CEP85L: variants seen among roughly 807,000 people sequenced by gnomAD.
The protein encoded by CEP85L is centrosomal protein 85L.
A neutral mutation model predicts 100.3 loss-of-function variants in CEP85L; 60 were observed. That is an observed-to-expected ratio of 0.60 (90% CI 0.49 to 0.74). CEP85L has a LOEUF of 0.74. CEP85L is among the 30% of genes least tolerant of loss of function. The pLI is 0.00. For synonymous variants in CEP85L, 319 were observed against 322.7 expected, an observed-to-expected ratio of 0.99 and a Z score of 0.12; for missense variants, 973 against 936.2, an observed-to-expected ratio of 1.04 and a Z score of -0.51.
intron 1 of CEP85L, among the ~76,000 whole-genome samples, chr6:118,679,667 G>A (rs1205342209): frequency 6.6e-6 from 1 of 152,130 alleles, no homozygotes; most frequent in East Asian, 1.9e-4. Flanking sequence ...TAAATGTTCG[G>A]TGGGCCTATA....
chr6:118,680,461 T>G (rs1258918475), intron 1 of CEP85L, among the ~76,000 whole-genome samples: 1 of 152,050 alleles, frequency 6.6e-6, no homozygotes, highest in Non-Finnish European at 1.5e-5. Context: ...AGTTTATGCA[T>G]CAGATATTAG....
intron 1 of CEP85L, among the ~76,000 whole-genome samples, chr6:118,699,656 A>AC (rs1004184832): frequency 6.6e-6 from 1 of 152,052 alleles, no homozygotes; most frequent in Non-Finnish European, 1.5e-5. Context: ...TGAATGCCAT[A>AC]CCAGCTCTAG....
intron 5 of CEP85L, among the ~76,000 whole-genome samples, chr6:118,494,313 C>T (rs1431306949): frequency 2.6e-5 from 4 of 152,148 alleles, no homozygotes; most frequent in Non-Finnish European, 4.4e-5. Flanking sequence ...AAAATCCCCT[C>T]CTGTTTCTGG....
intron 3 of CEP85L, among the ~76,000 whole-genome samples, chr6:118,545,207 TC>T (rs137920227): frequency 0.027 from 4,118 of 152,290 alleles, 192 homozygotes; most frequent in African/African-American, 0.093. Flanking sequence ...TTTTGAAGCT[TC>T]TTCGCCCTCC....
At chr6:118,523,607 G>C (rs1776786997) in intron 4 of CEP85L, among the ~76,000 whole-genome samples, 195 bp downstream of exon 4, 1 of 152,172 alleles carries the variant, frequency 6.6e-6, no homozygotes, top group Non-Finnish European at 1.5e-5. Context: ...AGGGATGACA[G>C]AAATCAGACA....
At chr6:118,477,065 C>G (rs73766511) in intron 10 of CEP85L, among the ~76,000 whole-genome samples, 4,101 of 152,116 alleles carry the variant, frequency 0.027, 189 homozygotes, top group African/African-American at 0.093. Context: ...AAGCAACATT[C>G]TACCGCAAAA....
At chr6:118,709,637 TAGGA>T (rs1777722399) in intron 1 of CEP85L, among the ~76,000 whole-genome samples, 1 of 151,440 alleles carries the variant, frequency 6.6e-6, no homozygotes, top group Non-Finnish European at 1.5e-5. Context: ...TTACGAATAA[TAGGA>T]AAGACTTTCC....
intron 6 of CEP85L, among the ~76,000 whole-genome samples, 162 bp from the exon 7 acceptor site, chr6:118,484,020 T>TTACC (rs1443841318): frequency 1.2e-3 from 178 of 152,148 alleles, no homozygotes; most frequent in Non-Finnish European, 2.0e-3. Context: ...CATTCTAAGA[T>TTACC]TTACACTTGC....
intron 2 of CEP85L, among the ~76,000 whole-genome samples, chr6:118,630,798 G>T (rs1161183893): frequency 6.6e-6 from 1 of 152,246 alleles, no homozygotes; most frequent in East Asian, 1.9e-4. Flanking sequence ...GAGGTGAGTG[G>T]CTGCAGGTGA....
intron 1 of CEP85L, among the ~76,000 whole-genome samples, chr6:118,696,358 A>C (rs925624077): frequency 1.3e-5 from 2 of 152,240 alleles, no homozygotes; most frequent in Non-Finnish European, 2.9e-5. Flanking sequence ...GTAAGGATGA[A>C]TTTCTATCTC....
intron 10 of CEP85L, among the ~76,000 whole-genome samples, chr6:118,474,102 C>T (rs181843516): frequency 6.6e-6 from 1 of 152,152 alleles, no homozygotes; most frequent in Non-Finnish European, 1.5e-5. Flanking sequence ...AGACCTACCA[C>T]TCAATGAAAT....
chr6:118,516,156 TG>T (rs1776263955), intron 4 of CEP85L, among the ~76,000 whole-genome samples: 1 of 152,208 alleles, frequency 6.6e-6, no homozygotes, highest in African/African-American at 2.4e-5. Context: ...GTATCATTGA[TG>T]GGTATTTGGG....
chr6:118,610,669 A>G (rs1015354615), intron 2 of CEP85L, among the ~76,000 whole-genome samples: 1 of 152,186 alleles, frequency 6.6e-6, no homozygotes, highest in Non-Finnish European at 1.5e-5. Flanking sequence ...ACAGTGCCCC[A>G]TAACTTTCAA....
At chr6:118,493,756 T>C (rs1041053676) in intron 5 of CEP85L, among the ~76,000 whole-genome samples, 3 of 152,148 alleles carry the variant, frequency 2.0e-5, no homozygotes, top group Admixed American at 6.6e-5. Context: ...CAGTAGGTTA[T>C]ATAGAAAAAT....
At position 118,491,811 on chromosome 6, in the gene CEP85L, G is replaced by A; in HGVS notation, c.1312C>T (p.His438Tyr). 1 of 1,612,634 alleles carries A rather than the reference G, an allele frequency of 6.2e-7. No homozygotes were observed. ...QTPFSEESVS[H>Y]SQQGEFEQKL... ...TGCTCAAATTCCCCTTGTTGGGAAT[G>A]GGAAACTGATTCCTCTGAAAATGGT... The change falls in exon 6 of 13, where the codon CAT becomes TAT. Residue 438 changes from histidine (H) to tyrosine (Y), a missense_variant. By Grantham distance (83) the His-to-Tyr change is moderately conservative. This residue lies in a region of CEP85L where 890 missense variants were observed against 844.5 expected (regional missense o/e 1.05). Transcript: ENST00000368491.
intron 3 of CEP85L, among the ~76,000 whole-genome samples, chr6:118,535,217 A>C (rs1017399833): frequency 6.6e-6 from 1 of 152,160 alleles, no homozygotes; most frequent in African/African-American, 2.4e-5. Context: ...GCACACACAC[A>C]AATTTATAAC....
At position 118,600,828 on chromosome 6, in the gene CEP85L, G is replaced by C. The variant is rs139463181; in HGVS notation, c.232+31625C>G. On this transcript the variant is annotated intron_variant, in intron 2 of 12. Transcript: ENST00000368491. ...AAAAAAAAAAAAATCTTGAGTTTTA[G>C]TGGGATGCCATAAAGGAATAAAATT... Among the ~76,000 whole-genome samples the C allele has an allele frequency of 3.7e-3, 562 of 150,580 alleles. 3 individuals are homozygous for C. The highest frequency in any genetic ancestry group is 0.013 in the African/African-American group (536 of 41,044).
At chr6:118,523,689 T>C (rs895309292) in intron 4 of CEP85L, 113 bp downstream of exon 4, 7 of 502,716 alleles carry the variant, frequency 1.4e-5, no homozygotes, top group Non-Finnish European at 1.7e-5. Flanking sequence ...GTGACATCAA[T>C]GAATCTGTAA....
At chr6:118,571,933 C>G (rs986969187) in intron 2 of CEP85L, among the ~76,000 whole-genome samples, 1 of 152,042 alleles carries the variant, frequency 6.6e-6, no homozygotes, top group African/African-American at 2.4e-5. Flanking sequence ...CTCAGCTCAC[C>G]ACAACCTCTG....
Sources: allele counts gnomAD v4.1 joint callset (sites outside exome capture counted in the v4.1 genomes callset), GRCh38; gene constraint gnomAD v4.1.1; regional missense constraint gnomAD v4.1.1; transcripts MANE v1.5; gene names NCBI Gene and HGNC (gene_info 2026-07-23, HGNC 2026-07-21).